The following ADGRV1 variants were observed in gnomAD, a reference collection of about 807,000 sequenced individuals.
The protein encoded by ADGRV1 is adhesion G protein-coupled receptor V1.
ADGRV1 carries 359 observed loss-of-function variants against 596.2 expected under a neutral mutation model. The observed-to-expected ratio is 0.60, with a 90% CI of 0.55 to 0.66. The LOEUF is 0.66. ADGRV1 is among the 30% of genes least tolerant of loss of function. The probability of loss-of-function intolerance (pLI) is 0.00; values close to 1 mark genes in which losing one functional copy is unlikely to be tolerated. For synonymous variants in ADGRV1, 2,681 were observed against 2,679.2 expected (o/e 1.00, Z -0.02); for missense variants, 7,274 against 7,575.6 (o/e 0.96, Z 1.48).
At chr5:90,843,109 T>C (rs968564182) in intron 78 of ADGRV1, among the ~76,000 whole-genome samples, 1 of 152,178 alleles carries the variant, frequency 6.6e-6, no homozygotes, top group Non-Finnish European at 1.5e-5. Context: ...GAATCGTAAT[T>C]CCTATCAATA....
In ADGRV1 at chr5:90,690,803, A is replaced by G; in HGVS notation, c.6713A>G (p.Gln2238Arg). Reference sequence around the variant, plus strand: ...TGCTCTGTCTACCCTTCAGGTTTTCAGATTACTAAACTTATTGTAGAGGAA... The same window carrying G: ...TGCTCTGTCTACCCTTCAGGTTTTCGGATTACTAAACTTATTGTAGAGGAA... ...SDDPYGLFGF[Q>R]ITKLIVEEPE... The change falls in exon 31 of 90, where the codon CAG (glutamine) becomes CGG (arginine). Residue 2238 changes from glutamine to arginine, a missense_variant. Transcript: ENST00000405460. 1 of 1,593,192 alleles carries G rather than the reference A, an allele frequency of 6.3e-7. No homozygotes were observed. The highest frequency in any genetic ancestry group is 8.6e-7 in the Non-Finnish European group (1 of 1,168,486).
intron 1 of ADGRV1, among the ~76,000 whole-genome samples, chr5:90,601,590 A>G (rs1761415494): frequency 6.6e-6 from 1 of 152,248 alleles, no homozygotes; most frequent in African/African-American, 2.4e-5. Flanking sequence ...ATAACCAAAT[A>G]AAGTCAGTAG....
At chr5:90,832,673 T>C (rs1333962007) in intron 77 of ADGRV1, among the ~76,000 whole-genome samples, 1 of 152,198 alleles carries the variant, frequency 6.6e-6, no homozygotes, top group African/African-American at 2.4e-5. Context: ...GCCAGTCCAA[T>C]GTCCTAGAGA....
At chr5:91,068,015 G>T (rs934909383) in intron 85 of ADGRV1, among the ~76,000 whole-genome samples, 1 of 152,090 alleles carries the variant, frequency 6.6e-6, no homozygotes, top group Non-Finnish European at 1.5e-5. Flanking sequence ...AATGATTCAG[G>T]CTTCATGCTA....
At chr5:91,064,640 A>T (rs1189028563) in intron 85 of ADGRV1, among the ~76,000 whole-genome samples, 1 of 152,202 alleles carries the variant, frequency 6.6e-6, no homozygotes, top group Non-Finnish European at 1.5e-5. Flanking sequence ...CAAAGTATAA[A>T]CTTAAACAAA....
intron 57 of ADGRV1, among the ~76,000 whole-genome samples, chr5:90,758,463 G>A (rs1256193654): frequency 6.6e-6 from 1 of 152,172 alleles, no homozygotes; most frequent in Admixed American, 6.5e-5. Flanking sequence ...CTTTATCTGT[G>A]CATGAGGTTC....
chr5:90,642,576 G>C, intron 11 of ADGRV1, 60 bp from the exon 12 acceptor site: 1 of 1,581,936 alleles, frequency 6.3e-7, no homozygotes, highest in Non-Finnish European at 8.6e-7. Context: ...TTAAAAGCCT[G>C]CAAAATTCAG....
At chr5:91,063,846 CTGG>C (rs199538556) in intron 85 of ADGRV1, among the ~76,000 whole-genome samples, 23,047 of 151,044 alleles carry the variant, frequency 0.15, 1,975 homozygotes, top group Admixed American at 0.28. Context: ...CATAGGGGAG[CTGG>C]TGGTGGTGGT....
At chr5:91,137,037 T>A (rs762329998) in intron 87 of ADGRV1, among the ~76,000 whole-genome samples, 2 of 152,216 alleles carry the variant, frequency 1.3e-5, no homozygotes, top group Non-Finnish European at 2.9e-5. Flanking sequence ...TGATTTGAGG[T>A]CATGGCAATT....
chr5:90,936,049 A>G (rs1392079475), intron 83 of ADGRV1, among the ~76,000 whole-genome samples: 1 of 152,182 alleles, frequency 6.6e-6, no homozygotes, highest in Non-Finnish European at 1.5e-5. Flanking sequence ...TTCCATGATG[A>G]GGCCTGAAAA....
At chr5:90,578,541 G>A (rs1403153861) in intron 1 of ADGRV1, among the ~76,000 whole-genome samples, 3 of 151,848 alleles carry the variant, frequency 2.0e-5, no homozygotes, top group African/African-American at 4.9e-5. Flanking sequence ...TTTTTGCATC[G>A]ATGTTCATCA....
intron 83 of ADGRV1, among the ~76,000 whole-genome samples, chr5:90,952,408 C>T (rs1177152548): frequency 6.6e-6 from 1 of 152,126 alleles, no homozygotes; most frequent in Non-Finnish European, 1.5e-5. Flanking sequence ...TTTATTTCTA[C>T]TTGCTGTTCA....
intron 10 of ADGRV1, among the ~76,000 whole-genome samples, chr5:90,635,506 G>C (rs1234811896): frequency 6.6e-6 from 1 of 152,096 alleles, no homozygotes; most frequent in Non-Finnish European, 1.5e-5. Context: ...GGAATTAATT[G>C]CTCACAGTGA....
At chr5:90,661,117 T>C (rs1214085262) in intron 21 of ADGRV1, among the ~76,000 whole-genome samples, 1 of 152,210 alleles carries the variant, frequency 6.6e-6, no homozygotes, top group Non-Finnish European at 1.5e-5. Flanking sequence ...CACATTCTCA[T>C]GTTTCTTCCC....
chr5:90,765,472 A>ACAC (rs1561684860), intron 59 of ADGRV1, among the ~76,000 whole-genome samples: 1 of 115,406 alleles, frequency 8.7e-6, no homozygotes, highest in African/African-American at 3.2e-5. Flanking sequence ...CACACACACA[A>ACAC]ACTCTAGATA....
chr5:90,562,643 A>G (rs1755005303), intron 1 of ADGRV1, among the ~76,000 whole-genome samples: 1 of 152,190 alleles, frequency 6.6e-6, no homozygotes, highest in African/African-American at 2.4e-5. Flanking sequence ...CCAGGGCAAG[A>G]TGCTGATAGG....
chr5:90,692,171 T>C (rs1397102572), intron 31 of ADGRV1, among the ~76,000 whole-genome samples: 1 of 152,188 alleles, frequency 6.6e-6, no homozygotes, highest in African/African-American at 2.4e-5. Flanking sequence ...AGTATGTTTT[T>C]GTTTTAAATT....
chr5:90,963,765 GA>G lies in ADGRV1; in HGVS notation c.17857-1642del, dbSNP rs1295263530. Among the ~76,000 whole-genome samples the G allele has an allele frequency of 2.0e-5, 3 of 150,346 alleles. No homozygotes were observed. In the South Asian group the frequency reaches 6.3e-4, roughly 32 times the overall value. ...ATGACTCGTTCACTGTCTGTAGCTTGAAAAAAAAGATTTTTTAAAAATCTAT... is the reference window on the plus strand; with the variant it reads ...ATGACTCGTTCACTGTCTGTAGCTTGAAAAAAAGATTTTTTAAAAATCTAT... On this transcript the variant is annotated intron_variant, in intron 83 of 89. Coordinates refer to ENST00000405460, the MANE Select transcript of ADGRV1 (RefSeq NM_032119.4).
In ADGRV1 at chr5:90,845,613, C is replaced by T. The variant is rs570145144; in HGVS notation, c.17020-3024C>T. On this transcript the variant is annotated intron_variant, in intron 78 of 89. Coordinates refer to ENST00000405460, the MANE Select transcript of ADGRV1 (RefSeq NM_032119.4). ...GGTTTCTGGTATGATTTTTTTTTTACTCTTGAAATAATATTTTTTAAAATC... is the reference window on the plus strand; with the variant it reads ...GGTTTCTGGTATGATTTTTTTTTTATTCTTGAAATAATATTTTTTAAAATC... Among the ~76,000 whole-genome samples the T allele has an allele frequency of 4.6e-5, 7 of 150,656 alleles. No homozygotes were observed. The East Asian group carries it at 1.4e-3, about 29-fold the overall frequency.
Sources: gnomAD v4.1 joint callset for allele counts (sites outside exome capture counted in the v4.1 genomes callset) on GRCh38, gnomAD v4.1.1 for gene constraint, MANE v1.5 for transcripts, NCBI Gene and HGNC (gene_info 2026-07-23, HGNC 2026-07-21) for gene names.